SNTG1: variants seen among roughly 807,000 people sequenced by gnomAD.
SNTG1 encodes syntrophin gamma 1.
Under a neutral mutation model 74.7 loss-of-function variants are expected in SNTG1, and 39 were observed. That is an observed-to-expected ratio of 0.52 (90% confidence interval 0.40 to 0.68). The LOEUF is 0.68. SNTG1 is among the 30% of genes least tolerant of loss of function. The pLI is 0.00. For missense variants in SNTG1, 685 were observed against 609.5 expected (o/e 1.12, Z -1.30); for synonymous variants, 254 against 217.1 (o/e 1.17, Z -1.49).
intron 9 of SNTG1, among the ~76,000 whole-genome samples, chr8:50,517,676 C>T (rs562689820): frequency 6.9e-6 from 1 of 144,216 alleles, no homozygotes; most frequent in African/African-American, 2.6e-5. Context: ...ATAAAACAGA[C>T]TTTAAACCAA....
At chr8:50,476,687 GAT>G (rs1296864741) in intron 8 of SNTG1, among the ~76,000 whole-genome samples, 9 of 152,120 alleles carry the variant, frequency 5.9e-5, no homozygotes, top group African/African-American at 2.2e-4. Context: ...AAACCTACTA[GAT>G]TTTTCTTGCT....
intron 8 of SNTG1, among the ~76,000 whole-genome samples, chr8:50,460,589 G>A (rs1330305012): frequency 6.6e-6 from 1 of 152,062 alleles, no homozygotes; most frequent in Admixed American, 6.6e-5. Flanking sequence ...TATTTTCTAG[G>A]TTTTCTTCTA....
chr8:50,677,173 G>A (rs1049306654), intron 15 of SNTG1, among the ~76,000 whole-genome samples: 2 of 151,858 alleles, frequency 1.3e-5, no homozygotes, highest in Non-Finnish European at 2.9e-5. Flanking sequence ...CAAATATACT[G>A]AAAATAAGCA....
chr8:50,677,643 G>C (rs539415753), intron 15 of SNTG1, among the ~76,000 whole-genome samples: 1 of 152,016 alleles, frequency 6.6e-6, no homozygotes, highest in South Asian at 2.1e-4. Context: ...TTGTAAAACT[G>C]TTTGACCTTC....
intron 2 of SNTG1, among the ~76,000 whole-genome samples, chr8:50,180,928 A>AT: frequency 6.6e-6 from 1 of 151,614 alleles, no homozygotes; most frequent in South Asian, 2.1e-4. Context: ...GCCTGGCTAA[A>AT]TTTTTTTGTA....
At chr8:50,456,941 T>C (rs961222133) in intron 8 of SNTG1, 1 of 152,110 alleles carries the variant, frequency 6.6e-6, no homozygotes, top group Non-Finnish European at 1.5e-5. Context: ...CTCTCCTGTC[T>C]GGGGGGTTGG....
At chr8:50,485,545 A>T (rs1449670142) in intron 8 of SNTG1, among the ~76,000 whole-genome samples, 2 of 150,806 alleles carry the variant, frequency 1.3e-5, no homozygotes, top group Non-Finnish European at 3.0e-5. Context: ...AATTTGTTTG[A>T]GTTCATTGTA....
chr8:50,646,898 C>T (rs2131207678), intron 13 of SNTG1, among the ~76,000 whole-genome samples: 1 of 151,680 alleles, frequency 6.6e-6, no homozygotes, highest in South Asian at 2.1e-4. Flanking sequence ...GAATGGAAAG[C>T]CAAGAAATAA....
chr8:50,368,143 C>T lies in SNTG1; in HGVS notation c.-27-26069C>T, dbSNP rs151327595. On this transcript the variant is annotated intron_variant, in intron 2 of 18. Coordinates refer to ENST00000642720, the MANE Select transcript of SNTG1 (RefSeq NM_018967.5). ...AATAGAATGTTTGTGGAAATATAGA[C>T]GTTAAATATTCTGAGAAGGTCTCAG... Among the ~76,000 whole-genome samples, 197 of 152,106 alleles carry T rather than the reference C, an allele frequency of 1.3e-3. 2 individuals carry two copies. Among genetic ancestry groups the T allele is most frequent in the African/African-American group, 4.3e-3 (178 of 41,462 alleles).
At chr8:50,117,961 A>G (rs992246729) in intron 1 of SNTG1, among the ~76,000 whole-genome samples, 2 of 152,132 alleles carry the variant, frequency 1.3e-5, no homozygotes, top group African/African-American at 4.8e-5. Context: ...AGCTATGTGA[A>G]GTTGGCCCTG....
intron 18 of SNTG1, among the ~76,000 whole-genome samples, chr8:50,781,197 A>T (rs1220473459): frequency 6.6e-6 from 1 of 151,972 alleles, no homozygotes; most frequent in Non-Finnish European, 1.5e-5. Context: ...TGGGGTGGAG[A>T]GTTCTGTAGA....
intron 2 of SNTG1, among the ~76,000 whole-genome samples, chr8:50,198,621 C>G (rs940647376): frequency 6.6e-6 from 1 of 152,134 alleles, no homozygotes; most frequent in Admixed American, 6.6e-5. Context: ...CAGCAAAGTA[C>G]AGTAAAGCAT....
chr8:50,129,986 T>G (rs915141055), intron 1 of SNTG1, among the ~76,000 whole-genome samples: 5 of 152,010 alleles, frequency 3.3e-5, no homozygotes, highest in Non-Finnish European at 4.4e-5. Flanking sequence ...TTAATATACT[T>G]AAGGACATAA....
intron 13 of SNTG1, among the ~76,000 whole-genome samples, chr8:50,623,751 A>G (rs1166352701): frequency 6.6e-6 from 1 of 152,062 alleles, no homozygotes; most frequent in Admixed American, 6.6e-5. Flanking sequence ...AAAAATACAT[A>G]CAAATAAAAT....
At chr8:49,922,563 T>C (rs1307135728) in intron 1 of SNTG1, among the ~76,000 whole-genome samples, 1 of 152,010 alleles carries the variant, frequency 6.6e-6, no homozygotes, top group Non-Finnish European at 1.5e-5. Context: ...AGGAGGTGTT[T>C]ATCACTGTGG....
At chr8:50,700,809 G>C (rs1262134233) in intron 15 of SNTG1, among the ~76,000 whole-genome samples, 3 of 152,086 alleles carry the variant, frequency 2.0e-5, no homozygotes, top group Non-Finnish European at 4.4e-5. Context: ...TGAGACCTGG[G>C]TGCTCAGATG....
At chr8:50,128,077 T>A (rs892775919) in intron 1 of SNTG1, among the ~76,000 whole-genome samples, 3 of 152,168 alleles carry the variant, frequency 2.0e-5, no homozygotes, top group Non-Finnish European at 4.4e-5. Context: ...TTAGTAGCAC[T>A]GCATATTAAG....
chr8:50,069,559 C>T (rs1433922704), intron 1 of SNTG1, among the ~76,000 whole-genome samples: 13 of 124,948 alleles, frequency 1.0e-4, no homozygotes, highest in Non-Finnish European at 1.6e-4. Context: ...AAATGGTTCT[C>T]TCTGGGCAGT....
chr8:50,116,617 G>A (rs2080833847), intron 1 of SNTG1, among the ~76,000 whole-genome samples: 1 of 152,150 alleles, frequency 6.6e-6, no homozygotes, highest in African/African-American at 2.4e-5. Context: ...CACAAAGCAT[G>A]CCCATTGGAT....
Sources: allele counts gnomAD v4.1 joint callset (sites outside exome capture counted in the v4.1 genomes callset), GRCh38; gene constraint gnomAD v4.1.1; transcripts MANE v1.5; gene names NCBI Gene and HGNC (gene_info 2026-07-23, HGNC 2026-07-21).